FSTL5: variants seen among roughly 807,000 people sequenced by gnomAD.
FSTL5 encodes the protein follistatin like 5.
FSTL5 carries 62 observed loss-of-function variants against 89.1 expected under a neutral mutation model. The observed-to-expected ratio is 0.70, with a 90% CI of 0.57 to 0.86. The LOEUF (loss-of-function observed/expected upper bound fraction) is 0.86, where lower values mean the gene tolerates loss of function less well. Among genes scored for constraint, FSTL5 ranks in the 40% least tolerant of loss-of-function variants. The pLI is 0.00. For synonymous variants in FSTL5, 383 were observed against 346.2 expected, an observed-to-expected ratio of 1.11 and a Z score of -1.18; for missense variants, 1,057 against 1,001.6, an observed-to-expected ratio of 1.06 and a Z score of -0.75.
At chr4:161,415,635 GTTGTATTA>G (rs1269459066) in intron 15 of FSTL5, among the ~76,000 whole-genome samples, 1 of 150,692 alleles carries the variant, frequency 6.6e-6, no homozygotes, top group Admixed American at 6.6e-5. Context: ...AAAGAGATAT[GTTGTATTA>G]TAGGGGATAC....
chr4:161,660,175 T>A (rs1736658262), intron 6 of FSTL5, among the ~76,000 whole-genome samples: 1 of 152,208 alleles, frequency 6.6e-6, no homozygotes. Context: ...ACTACCTTTT[T>A]AATTCAGCTT....
At chr4:161,898,858 T>G (rs1172048975) in intron 4 of FSTL5, among the ~76,000 whole-genome samples, 1 of 152,014 alleles carries the variant, frequency 6.6e-6, no homozygotes, top group Non-Finnish European at 1.5e-5. Flanking sequence ...CTGGATCTCC[T>G]GACCTAATGA....
rs1000600167 is a variant in FSTL5, at chr4:161,832,471, G to A, written c.410-56397C>T. Among the ~76,000 whole-genome samples, 8 of 152,234 alleles carry A rather than the reference G, an allele frequency of 5.3e-5. No homozygotes were observed. In the East Asian group the frequency reaches 1.5e-3, roughly 29 times the overall value. ...GAAGGAATGGTACCAGTTCCTCCTT[G>A]TACTTCTGGTAGAATTCGGCTGTGA... is the stretch of plus-strand genomic sequence containing the variant. On this transcript the variant is annotated intron_variant, in intron 4 of 15. Coordinates refer to ENST00000306100, the MANE Select transcript of FSTL5 (RefSeq NM_020116.5).
chr4:161,646,054 TA>T (rs925876881), intron 7 of FSTL5, among the ~76,000 whole-genome samples: 1 of 150,880 alleles, frequency 6.6e-6, no homozygotes, highest in East Asian at 1.9e-4. Flanking sequence ...TCTAAAATGT[TA>T]AAAAAAATTT....
intron 2 of FSTL5, among the ~76,000 whole-genome samples, chr4:162,061,331 C>T (rs1427793582): frequency 2.0e-5 from 3 of 152,094 alleles, no homozygotes; most frequent in Non-Finnish European, 4.4e-5. Context: ...AAAGAAGCTG[C>T]TTTGAGAAGC....
intron 5 of FSTL5, among the ~76,000 whole-genome samples, chr4:161,766,877 T>G (rs1226404198): frequency 6.6e-6 from 1 of 150,916 alleles, no homozygotes; most frequent in Non-Finnish European, 1.5e-5. Context: ...GATATACAGA[T>G]ACAGATAGAT....
At chr4:161,424,813 T>C (rs1485963452) in intron 15 of FSTL5, among the ~76,000 whole-genome samples, 1 of 152,208 alleles carries the variant, frequency 6.6e-6, no homozygotes, top group Non-Finnish European at 1.5e-5. Context: ...ACTAAAACTT[T>C]ATGGAAGTAG....
chr4:161,824,190 A>C (rs1730589193), intron 4 of FSTL5, among the ~76,000 whole-genome samples: 1 of 152,178 alleles, frequency 6.6e-6, no homozygotes, highest in Admixed American at 6.5e-5. Flanking sequence ...ATTTTTATGT[A>C]AGGTGACAGA....
chr4:161,782,349 T>C (rs1241114785), intron 4 of FSTL5, among the ~76,000 whole-genome samples: 1 of 152,192 alleles, frequency 6.6e-6, no homozygotes, highest in Non-Finnish European at 1.5e-5. Flanking sequence ...TACCATTTTG[T>C]ATTCCAGCAA....
chr4:161,562,053 C>CGATGA (rs1277448608), intron 8 of FSTL5, among the ~76,000 whole-genome samples: 15 of 151,980 alleles, frequency 9.9e-5, no homozygotes, highest in Admixed American at 2.6e-4. Context: ...AGAGTGGAGG[C>CGATGA]GATGAGAATG....
chr4:161,897,894 A>G (rs939706352), intron 4 of FSTL5, among the ~76,000 whole-genome samples: 2 of 151,452 alleles, frequency 1.3e-5, no homozygotes, highest in African/African-American at 4.8e-5. Context: ...TCATCCCCTT[A>G]CCTAAAACCT....
chr4:161,968,982 C>CAA (rs1735405819), intron 3 of FSTL5, among the ~76,000 whole-genome samples: 1 of 151,238 alleles, frequency 6.6e-6, no homozygotes, highest in South Asian at 2.1e-4. Context: ...CACACACACA[C>CAA]ACACACACAT....
chr4:161,755,488 G>A (rs1182058943), intron 6 of FSTL5, among the ~76,000 whole-genome samples: 1 of 151,968 alleles, frequency 6.6e-6, no homozygotes, highest in Non-Finnish European at 1.5e-5. Context: ...CAGGAAGTCT[G>A]TTTACCTTTG....
At chr4:161,505,592 C>T (rs1730450108) in intron 11 of FSTL5, among the ~76,000 whole-genome samples, 1 of 152,142 alleles carries the variant, frequency 6.6e-6, no homozygotes. Context: ...TAACTTCACA[C>T]ACTAATTAGC....
chr4:161,666,253 G>T lies in FSTL5; in HGVS notation c.728-9759C>A, dbSNP rs1037419613. ...CAATCAAGAAATCAATAAAAGACTT[G>T]AAAAAGTGCTTTATGAATTAGTCTA... On this transcript the variant is annotated intron_variant, in intron 6 of 15. Coordinates refer to ENST00000306100, the MANE Select transcript of FSTL5 (RefSeq NM_020116.5). Among the ~76,000 whole-genome samples, 57 of 151,954 alleles carry T rather than the reference G, an allele frequency of 3.8e-4. 1 individual carries two copies. Among genetic ancestry groups the T allele is most frequent in the Non-Finnish European group, 4.6e-4 (31 of 67,968 alleles).
chr4:162,101,139 A>G (rs1401377809), intron 2 of FSTL5, among the ~76,000 whole-genome samples: 2 of 152,218 alleles, frequency 1.3e-5, no homozygotes. Flanking sequence ...GCAAACATAC[A>G]TAATCACCTG....
chr4:161,511,879 G>A (rs1325332133), intron 10 of FSTL5, among the ~76,000 whole-genome samples: 1 of 151,988 alleles, frequency 6.6e-6, no homozygotes, highest in Non-Finnish European at 1.5e-5. Flanking sequence ...TCATTGAGAT[G>A]GTGCTGAACA....
intron 4 of FSTL5, among the ~76,000 whole-genome samples, chr4:161,829,091 T>A (rs906666939): frequency 6.8e-6 from 1 of 148,058 alleles, no homozygotes; most frequent in Non-Finnish European, 1.5e-5. Context: ...ATAAATGTAA[T>A]TTTTTCAAAA....
intron 4 of FSTL5, among the ~76,000 whole-genome samples, chr4:161,810,249 A>C (rs1730096530): frequency 6.6e-6 from 1 of 152,174 alleles, no homozygotes; most frequent in South Asian, 2.1e-4. Flanking sequence ...TAATGAGATA[A>C]TATCTATGAA....
Sources: allele counts gnomAD v4.1 joint callset (sites outside exome capture counted in the v4.1 genomes callset), GRCh38; gene constraint gnomAD v4.1.1; transcripts MANE v1.5; gene names NCBI Gene and HGNC (gene_info 2026-07-23, HGNC 2026-07-21).